SLC7A14: variants seen among roughly 807,000 people sequenced by gnomAD.
SLC7A14 encodes gamma-aminobutyric acid transporter SLC7A14.
In SLC7A14, 37 loss-of-function variants were observed where a neutral mutation model predicts 60.2. The observed-to-expected ratio is 0.61, with a 90% CI of 0.47 to 0.81. SLC7A14 has a LOEUF of 0.81. Among genes scored for constraint, SLC7A14 ranks in the 30% least tolerant of loss-of-function variants. The pLI, the probability that SLC7A14 is intolerant of heterozygous loss-of-function variation, is 0.00. For missense variants in SLC7A14, 886 were observed against 982.7 expected (o/e 0.90, Z 1.32); for synonymous variants, 399 against 395.8 (o/e 1.01, Z -0.10).
chr3:170,580,746 G>A (rs982964067), intron 1 of SLC7A14, among the ~76,000 whole-genome samples: 1 of 152,130 alleles, frequency 6.6e-6, no homozygotes, highest in African/African-American at 2.4e-5. Flanking sequence ...CTTTGTTAAT[G>A]AATGAATGAA....
In SLC7A14 at chr3:170,556,417, A is replaced by G. The variant is rs577900011; in HGVS notation, c.-152-29329T>C. 1.2e-4 allele frequency among the ~76,000 whole-genome samples: 19 copies of G among 152,336 alleles called. No homozygotes were observed. The South Asian group carries it at 3.9e-3, about 32-fold the overall frequency. ...CTGTGCAAACTTGGGCAAGTATCTT[A>G]GCCTTTCTAAATTTCAGATCTTCTG... On this transcript the variant is annotated intron_variant, in intron 1 of 7. Coordinates refer to ENST00000231706, the MANE Select transcript of SLC7A14 (RefSeq NM_020949.3).
intron 2 of SLC7A14, among the ~76,000 whole-genome samples, chr3:170,512,653 C>CTTTTTT (rs1483240298): frequency 2.3e-4 from 17 of 74,748 alleles, no homozygotes; most frequent in South Asian, 5.6e-4. Flanking sequence ...GTACAATTTG[C>CTTTTTT]ATTTTTTTTT....
chr3:170,569,789 T>A (rs1439705132), intron 1 of SLC7A14, among the ~76,000 whole-genome samples: 2 of 152,234 alleles, frequency 1.3e-5, no homozygotes, highest in African/African-American at 2.4e-5. Flanking sequence ...TTTTCTAGTT[T>A]ATTTGTGTAG....
intron 5 of SLC7A14, 38 bp from the exon 6 acceptor site, chr3:170,483,560 GGAA>G: frequency 6.2e-7 from 1 of 1,610,490 alleles, no homozygotes; most frequent in Non-Finnish European, 8.5e-7. Flanking sequence ...GAGGTACAGG[GGAA>G]GAACAGCATG....
At chr3:170,558,175 C>T (rs1159562240) in intron 1 of SLC7A14, among the ~76,000 whole-genome samples, 2 of 152,136 alleles carry the variant, frequency 1.3e-5, no homozygotes, top group East Asian at 3.9e-4. Context: ...CAAGACCAGC[C>T]TGGCCAATGT....
chr3:170,528,664 G>A (rs1257218186), intron 1 of SLC7A14, among the ~76,000 whole-genome samples: 3 of 152,252 alleles, frequency 2.0e-5, no homozygotes, highest in Admixed American at 6.5e-5. Flanking sequence ...GTGTGGCTTC[G>A]TGCTGTGTTT....
At chr3:170,525,339 C>T (rs1196273589) in intron 2 of SLC7A14, among the ~76,000 whole-genome samples, 1 of 152,182 alleles carries the variant, frequency 6.6e-6, no homozygotes, top group Non-Finnish European at 1.5e-5. Flanking sequence ...TACAAAGTAT[C>T]GGCATGTGAG....
In SLC7A14 at chr3:170,540,045, G is replaced by A. The variant is rs182441710; in HGVS notation, c.-152-12957C>T. Among the ~76,000 whole-genome samples, 149 of 152,234 alleles carry A rather than the reference G, an allele frequency of 9.8e-4. 1 individual carries two copies. Among genetic ancestry groups the A allele is most frequent in the African/African-American group, 3.4e-3 (140 of 41,554 alleles). ...CTGATAACTGAGATGGCCACCAAGT[G>A]ACTAAGTGGCGGGGTGGGGGGTAGT... On this transcript the variant is annotated intron_variant, in intron 1 of 7. Coordinates refer to ENST00000231706, the MANE Select transcript of SLC7A14 (RefSeq NM_020949.3).
intron 7 of SLC7A14, among the ~76,000 whole-genome samples, chr3:170,474,191 G>A (rs910503111): frequency 1.3e-5 from 2 of 152,200 alleles, no homozygotes; most frequent in Non-Finnish European, 2.9e-5. Flanking sequence ...AACAATGGGC[G>A]TGAATCTCAC....
chr3:170,585,305 G>C lies in SLC7A14; in HGVS notation c.-153+606C>G, dbSNP rs979039707. On this transcript the variant is annotated intron_variant, in intron 1 of 7. Coordinates refer to ENST00000231706, the MANE Select transcript of SLC7A14 (RefSeq NM_020949.3). The surrounding 1 kb of genome is among the most constrained non-coding windows in gnomAD (Gnocchi z 5.1). ...GCTCCCGGGAGAGTCACCACTCTCC[G>C]GGGACAGACGCCCCTCGGGGCGCCA... Among the ~76,000 whole-genome samples the C allele has an allele frequency of 6.6e-6, 1 of 152,132 alleles. No individual in the cohort carries two copies. The highest frequency in any genetic ancestry group is 2.4e-5 in the African/African-American group (1 of 41,444).
At chr3:170,515,632 G>GC (rs1450191324) in intron 2 of SLC7A14, among the ~76,000 whole-genome samples, 1 of 151,952 alleles carries the variant, frequency 6.6e-6, no homozygotes, top group South Asian at 2.1e-4. Context: ...GTTGGGGTGG[G>GC]GGGGGAGTTG....
intron 1 of SLC7A14, among the ~76,000 whole-genome samples, chr3:170,529,462 C>T (rs1244895267): frequency 6.6e-6 from 1 of 152,076 alleles, no homozygotes; most frequent in African/African-American, 2.4e-5. Context: ...TTAATTCATC[C>T]GTTCAAGAAA....
At chr3:170,568,424 A>G (rs1198979196) in intron 1 of SLC7A14, among the ~76,000 whole-genome samples, 1 of 152,164 alleles carries the variant, frequency 6.6e-6, no homozygotes, top group African/African-American at 2.4e-5. Context: ...CTTGTAGTAT[A>G]GTTTGAAGTC....
Position 170,483,309 on chromosome 3 carries a change from C to G in SLC7A14, c.1115+5G>C, listed in dbSNP as rs1711894441. 6.2e-7 allele frequency: 1 copy of G among 1,613,854 alleles called. No individual in the cohort carries two copies. Among genetic ancestry groups the G allele is most frequent in the African/African-American group, 1.3e-5 (1 of 74,876 alleles). Reference sequence around the variant, plus strand: ...AGGATAAATTTCATGGAGCATAGCCCTTACCTGAAAAGGAGCCCGTCACCA... The same window carrying G: ...AGGATAAATTTCATGGAGCATAGCCGTTACCTGAAAAGGAGCCCGTCACCA... On this transcript the variant is annotated splice_donor_5th_base_variant and intron_variant, in intron 6 of 7. Transcript: ENST00000231706.
At position 170,501,408 on chromosome 3, in the gene SLC7A14, A is replaced by G. The variant is rs140511184; in HGVS notation, c.305-63T>C. 4.6e-3 allele frequency: 6,389 copies of G among 1,391,734 alleles called. 50 individuals are homozygous for G. Among genetic ancestry groups the G allele is most frequent in the South Asian group, 0.02 (1,694 of 85,604 alleles). The allele number at this position is 1,391,734 out of a possible 1,614,324, so 86.2% of individuals were successfully genotyped here. Reference sequence around the variant, plus strand: ...GAGATGAGCTGACATCCTGTGGCCAACAATCTTGGGTGGAACATACTGAGA... The same window carrying G: ...GAGATGAGCTGACATCCTGTGGCCAGCAATCTTGGGTGGAACATACTGAGA... On this transcript the variant is annotated intron_variant, in intron 2 of 7. Coordinates refer to ENST00000231706, the MANE Select transcript of SLC7A14 (RefSeq NM_020949.3).
chr3:170,573,434 A>T (rs1230311886), intron 1 of SLC7A14, among the ~76,000 whole-genome samples: 1 of 152,248 alleles, frequency 6.6e-6, no homozygotes, highest in Admixed American at 6.5e-5. Context: ...AATGGATCTT[A>T]TACAAGTACG....
chr3:170,480,526 C>A lies in SLC7A14; in HGVS notation c.1756G>T (p.Gly586Cys). Residue 586 changes from glycine to cysteine, a missense_variant, in exon 7 of 8, where the codon GGT (glycine) becomes TGT (cysteine). Transcript: ENST00000231706. Reference protein sequence around the residue: ...MFIFCSFIIFGSDYISEQSWW... With the variant: ...MFIFCSFIIFCSDYISEQSWW... Reference sequence around the variant, plus strand: ...CTCTGCTCTGAGATGTAGTCAGAACCAAAGATGATGAAGGAGCAGAAGATG... The same window carrying A: ...CTCTGCTCTGAGATGTAGTCAGAACAAAAGATGATGAAGGAGCAGAAGATG... 6.2e-7 allele frequency: 1 copy of A among 1,614,132 alleles called. No individual in the cohort carries two copies. Among genetic ancestry groups the A allele is most frequent in the East Asian group, 2.2e-5 (1 of 44,876 alleles).
chr3:170,571,788 C>T (rs763793609), intron 1 of SLC7A14, among the ~76,000 whole-genome samples: 13 of 152,084 alleles, frequency 8.5e-5, no homozygotes, highest in Non-Finnish European at 1.6e-4. Context: ...TGGCCAGGCA[C>T]GTTGGCTCAT....
chr3:170,548,016 T>C (rs946549038), intron 1 of SLC7A14, among the ~76,000 whole-genome samples: 1 of 152,220 alleles, frequency 6.6e-6, no homozygotes, highest in African/African-American at 2.4e-5. Context: ...CTAGTGCCCT[T>C]TGCCAGACTG....
Sources: gnomAD v4.1 joint callset for allele counts (sites outside exome capture counted in the v4.1 genomes callset) on GRCh38, gnomAD v4.1.1 for gene constraint, Gnocchi (gnomAD v3.1) non-coding constraint, MANE v1.5 for transcripts, NCBI Gene and HGNC (gene_info 2026-07-23, HGNC 2026-07-21) for gene names.